DENND1A: variants seen among roughly 807,000 people sequenced by gnomAD.
DENND1A encodes the protein DENN domain containing 1A, also known as DENN domain-containing protein 1A.
In DENND1A, 51 loss-of-function variants were observed where a neutral mutation model predicts 113.7. That is an observed-to-expected ratio of 0.45 (90% CI 0.36 to 0.57). DENND1A has a LOEUF of 0.57. Ranked by LOEUF, DENND1A falls within the 20% of genes least tolerant of loss-of-function variation. The pLI, the probability that DENND1A is intolerant of heterozygous loss-of-function variation, is 0.00. For synonymous variants in DENND1A, 565 were observed against 570.8 expected, an observed-to-expected ratio of 0.99 and a Z score of 0.14; for missense variants, 1,258 against 1,395.9, an observed-to-expected ratio of 0.90 and a Z score of 1.57.
intron 3 of DENND1A, among the ~76,000 whole-genome samples, chr9:123,783,754 T>C (rs1831676411): frequency 1.3e-5 from 2 of 152,180 alleles, no homozygotes; most frequent in Admixed American, 6.5e-5. Flanking sequence ...ATCTTAACTC[T>C]TGAGCAATTA....
intron 12 of DENND1A, among the ~76,000 whole-genome samples, chr9:123,575,771 ATTTG>A (rs891926252): frequency 3.3e-5 from 5 of 152,174 alleles, no homozygotes; most frequent in African/African-American, 1.2e-4. Flanking sequence ...TATAAGGATG[ATTTG>A]TTTCTCTGCC....
chr9:123,683,981 T>C (rs2064641687), intron 5 of DENND1A, among the ~76,000 whole-genome samples: 1 of 152,182 alleles, frequency 6.6e-6, no homozygotes, highest in Admixed American at 6.5e-5. Flanking sequence ...AAAAAACAAT[T>C]CCTGCAAATG....
chr9:123,786,028 C>T (rs1832111880), intron 3 of DENND1A, among the ~76,000 whole-genome samples: 1 of 152,066 alleles, frequency 6.6e-6, no homozygotes, highest in Admixed American at 6.5e-5. Flanking sequence ...GCCTGGTCAA[C>T]ATGATGAAAC....
chr9:123,734,725 T>C (rs1369767043), intron 5 of DENND1A, among the ~76,000 whole-genome samples: 1 of 152,214 alleles, frequency 6.6e-6, no homozygotes, highest in Non-Finnish European at 1.5e-5. Context: ...GAGGAGAGAA[T>C]GCACGTGAAT....
intron 5 of DENND1A, among the ~76,000 whole-genome samples, chr9:123,741,267 C>G (rs1004685630): frequency 2.0e-5 from 3 of 152,136 alleles, no homozygotes; most frequent in African/African-American, 7.2e-5. Context: ...AATAAATATT[C>G]TACTCCAACA....
At position 123,539,760 on chromosome 9, in the gene DENND1A, G is replaced by A. The variant is rs147193595; in HGVS notation, c.993+17810C>T. Among the ~76,000 whole-genome samples, 1,252 of 152,010 alleles carry A rather than the reference G, an allele frequency of 8.2e-3. 14 individuals carry two copies. The highest frequency in any genetic ancestry group is 0.028 in the African/African-American group (1,150 of 41,438). On this transcript the variant is annotated intron_variant, in intron 13 of 23. Coordinates refer to ENST00000394215, the MANE Select transcript of DENND1A (RefSeq NM_001352964.2). ...TAGCCGGGCACGGTGGCGGGCGCCTGTAGTCCCAGCTACTCAGGAGGCTGA... is the reference window on the plus strand; with the variant it reads ...TAGCCGGGCACGGTGGCGGGCGCCTATAGTCCCAGCTACTCAGGAGGCTGA...
intron 5 of DENND1A, among the ~76,000 whole-genome samples, chr9:123,706,296 G>C (rs180974319): frequency 6.6e-6 from 1 of 151,752 alleles, no homozygotes; most frequent in African/African-American, 2.4e-5. Context: ...GATTACAGGC[G>C]TCCGCCACCA....
intron 19 of DENND1A, among the ~76,000 whole-genome samples, chr9:123,436,455 A>G (rs113504726): frequency 6.6e-6 from 1 of 152,364 alleles, no homozygotes; most frequent in African/African-American, 2.4e-5. Flanking sequence ...AGGCTTATCA[A>G]TAAACACAGC....
Position 123,392,764 on chromosome 9 carries a change from G to A in DENND1A, c.1632-4906C>T, listed in dbSNP as rs189572771. 5.3e-5 allele frequency among the ~76,000 whole-genome samples: 8 copies of A among 152,162 alleles called. No individual in the cohort carries two copies. In the East Asian group the frequency reaches 5.8e-4, roughly 11 times the overall value. ...TGAGATTTTGGTGCACCCATCGCCC[G>A]AGCAGTGTACACTGAACCCAATTTG... On this transcript the variant is annotated intron_variant, in intron 21 of 23. Coordinates refer to ENST00000394215, the MANE Select transcript of DENND1A (RefSeq NM_001352964.2).
At chr9:123,513,202 C>T (rs899068045) in intron 13 of DENND1A, among the ~76,000 whole-genome samples, 5 of 152,182 alleles carry the variant, frequency 3.3e-5, no homozygotes, top group Non-Finnish European at 5.9e-5. Flanking sequence ...CAGGGCAGCC[C>T]GGTCCTCCTT....
At chr9:123,459,023 G>C (rs978354101) in intron 13 of DENND1A, among the ~76,000 whole-genome samples, 2 of 151,962 alleles carry the variant, frequency 1.3e-5, no homozygotes, top group Non-Finnish European at 2.9e-5. Context: ...AAAATGAGCT[G>C]AGCCAAGTGT....
chr9:123,531,922 G>T (rs1367369370), intron 13 of DENND1A, among the ~76,000 whole-genome samples: 1 of 152,198 alleles, frequency 6.6e-6, no homozygotes, highest in East Asian at 1.9e-4. Context: ...GTGGCGAGAA[G>T]AGGACAGAAA....
intron 13 of DENND1A, among the ~76,000 whole-genome samples, chr9:123,554,889 G>A (rs1564709414): frequency 6.6e-6 from 1 of 152,146 alleles, no homozygotes; most frequent in Non-Finnish European, 1.5e-5. Context: ...AATCCATCAT[G>A]TTATCTCTAA....
At chr9:123,457,125 A>C (rs1290411546) in intron 15 of DENND1A, among the ~76,000 whole-genome samples, 1 of 152,222 alleles carries the variant, frequency 6.6e-6, no homozygotes, top group African/African-American at 2.4e-5. Flanking sequence ...GACTTTGTCT[A>C]CACAGGGGAA....
chr9:123,875,441 C>T (rs1847305901), intron 2 of DENND1A, among the ~76,000 whole-genome samples: 1 of 152,118 alleles, frequency 6.6e-6, no homozygotes, highest in Non-Finnish European at 1.5e-5. Flanking sequence ...ATCCTCCTGC[C>T]ATAATAAATA....
intron 2 of DENND1A, among the ~76,000 whole-genome samples, chr9:123,828,641 A>C (rs1032715964): frequency 8.1e-5 from 12 of 147,992 alleles, no homozygotes; most frequent in Non-Finnish European, 1.5e-4. Flanking sequence ...AAAGTAGCCA[A>C]AAAAAAAAAA....
chr9:123,641,718 G>A lies in DENND1A; in HGVS notation c.618+10295C>T, dbSNP rs1477540356. The stretch of plus-strand genomic sequence containing the variant: ...TCAACATGAAAATGAGTCTAACGAT[G>A]CAAAATAACAGCCACCAAAGAATAA... On this transcript the variant is annotated intron_variant, in intron 9 of 23. Transcript: ENST00000394215. Among the ~76,000 whole-genome samples the A allele has an allele frequency of 2.6e-5, 4 of 152,282 alleles. 1 individual carries two copies. The highest frequency in any genetic ancestry group is 9.6e-5 in the African/African-American group (4 of 41,546).
intron 5 of DENND1A, among the ~76,000 whole-genome samples, chr9:123,702,225 G>T (rs2065924192): frequency 1.3e-5 from 2 of 151,970 alleles, no homozygotes; most frequent in Admixed American, 1.3e-4. Flanking sequence ...AATCTGTGAA[G>T]TCAAAGACAG....
At chr9:123,695,286 T>C (rs1295687927) in intron 5 of DENND1A, among the ~76,000 whole-genome samples, 1 of 152,180 alleles carries the variant, frequency 6.6e-6, no homozygotes, top group Non-Finnish European at 1.5e-5. Context: ...AATAAGATTG[T>C]TGTCAGCACA....
Sources: allele counts gnomAD v4.1 joint callset (sites outside exome capture counted in the v4.1 genomes callset), GRCh38; gene constraint gnomAD v4.1.1; transcripts MANE v1.5; gene names NCBI Gene and HGNC (gene_info 2026-07-23, HGNC 2026-07-21).